Variants in CDH18 observed in about 807,000 individuals in gnomAD.
CDH18 encodes cadherin 18.
In CDH18, 31 loss-of-function variants were observed where a neutral mutation model predicts 67.9. That is an observed-to-expected ratio of 0.46 (90% CI 0.34 to 0.62). The LOEUF (loss-of-function observed/expected upper bound fraction) is 0.62. Among genes scored for constraint, CDH18 ranks in the 20% least tolerant of loss-of-function variants. CDH18 has a pLI of 0.01. For missense variants in CDH18, 890 were observed against 975.5 expected, an observed-to-expected ratio of 0.91 and a Z score of 1.17; for synonymous variants, 362 against 347.2, an observed-to-expected ratio of 1.04 and a Z score of -0.48.
intron 1 of CDH18, among the ~76,000 whole-genome samples, chr5:20,372,831 TA>T (rs1743113342): frequency 6.6e-6 from 1 of 152,184 alleles, no homozygotes; most frequent in Non-Finnish European, 1.5e-5. Flanking sequence ...TCAGTTTGGA[TA>T]TTTTTTATTT....
At chr5:19,621,475 A>T (rs1428897180) in intron 5 of CDH18, among the ~76,000 whole-genome samples, 3 of 152,112 alleles carry the variant, frequency 2.0e-5, no homozygotes, top group Admixed American at 6.6e-5. Flanking sequence ...TCCACATCCA[A>T]TAGAATTATA....
intron 1 of CDH18, among the ~76,000 whole-genome samples, chr5:20,419,727 T>C (rs1437472318): frequency 6.6e-6 from 1 of 150,732 alleles, no homozygotes; most frequent in Non-Finnish European, 1.5e-5. Context: ...TCCTCCCGCC[T>C]CGGCCTCCCA....
intron 2 of CDH18, among the ~76,000 whole-genome samples, chr5:19,937,294 C>T (rs1794377030): frequency 6.6e-6 from 1 of 151,300 alleles, no homozygotes; most frequent in Non-Finnish European, 1.5e-5. Flanking sequence ...ATACTAGTCT[C>T]TCTTGAGCAC....
chr5:20,082,259 T>C (rs1036664174), intron 2 of CDH18, among the ~76,000 whole-genome samples: 1 of 152,258 alleles, frequency 6.6e-6, no homozygotes, highest in African/African-American at 2.4e-5. Flanking sequence ...GGCATTAAAA[T>C]ATATTTTTGG....
At chr5:19,496,686 C>A (rs1214139534) in intron 11 of CDH18, among the ~76,000 whole-genome samples, 1 of 151,788 alleles carries the variant, frequency 6.6e-6, no homozygotes, top group African/African-American at 2.4e-5. Flanking sequence ...GTGGAAAGTG[C>A]CTGTAGTCCC....
At chr5:20,050,945 C>A (rs1365179130) in intron 2 of CDH18, among the ~76,000 whole-genome samples, 2 of 151,698 alleles carry the variant, frequency 1.3e-5, no homozygotes, top group Non-Finnish European at 3.0e-5. Flanking sequence ...CACTCTCTTG[C>A]AATTTACAGT....
intron 1 of CDH18, among the ~76,000 whole-genome samples, chr5:20,297,522 G>A (rs978018739): frequency 2.0e-5 from 3 of 152,136 alleles, no homozygotes; most frequent in Non-Finnish European, 4.4e-5. Flanking sequence ...TCAATTTAAT[G>A]AGTCACAATG....
intron 1 of CDH18, among the ~76,000 whole-genome samples, chr5:20,455,653 A>T (rs572300664): frequency 1.3e-5 from 2 of 152,110 alleles, no homozygotes; most frequent in African/African-American, 2.4e-5. Flanking sequence ...ATATATTTTT[A>T]AAAAACAAAT....
intron 1 of CDH18, among the ~76,000 whole-genome samples, chr5:20,353,646 C>T (rs4133163): frequency 0.17 from 25,710 of 152,150 alleles, 2,638 homozygotes; most frequent in East Asian, 0.29. Flanking sequence ...CATGTTTTGT[C>T]CTCAACCTTC....
intron 2 of CDH18, among the ~76,000 whole-genome samples, chr5:19,874,639 T>A (rs530395636): frequency 3.6e-4 from 55 of 152,318 alleles, no homozygotes; most frequent in African/African-American, 1.2e-3. Context: ...TAATACATTT[T>A]AGAAAAATAA....
intron 1 of CDH18, among the ~76,000 whole-genome samples, chr5:20,466,838 G>T (rs1751664704): frequency 6.6e-6 from 1 of 152,036 alleles, no homozygotes; most frequent in African/African-American, 2.4e-5. Flanking sequence ...TATCATTCTA[G>T]CAAACTTAAG....
At chr5:20,185,317 T>A (rs188067313) in intron 2 of CDH18, among the ~76,000 whole-genome samples, 4 of 152,172 alleles carry the variant, frequency 2.6e-5, no homozygotes, top group Admixed American at 2.6e-4. Context: ...ACGTGATCAA[T>A]CTGTATGCAG....
chr5:19,919,455 G>A (rs1792192954), intron 2 of CDH18, among the ~76,000 whole-genome samples: 1 of 152,114 alleles, frequency 6.6e-6, no homozygotes, highest in Non-Finnish European at 1.5e-5. Flanking sequence ...CAGTTTTGTG[G>A]ACTAAGCCCA....
intron 10 of CDH18, among the ~76,000 whole-genome samples, chr5:19,503,509 C>G (rs1402878366): frequency 6.6e-6 from 1 of 151,916 alleles, no homozygotes; most frequent in Non-Finnish European, 1.5e-5. Flanking sequence ...GTATGTTGGT[C>G]TAAGTAGTAA....
chr5:20,219,448 G>C (rs942173934), intron 2 of CDH18, among the ~76,000 whole-genome samples: 1 of 150,692 alleles, frequency 6.6e-6, no homozygotes, highest in Non-Finnish European at 1.5e-5. Flanking sequence ...AAAAATAGCA[G>C]AGGAAGGGAT....
intron 2 of CDH18, among the ~76,000 whole-genome samples, chr5:20,191,066 G>A: frequency 6.6e-6 from 1 of 152,082 alleles, no homozygotes; most frequent in Non-Finnish European, 1.5e-5. Context: ...AAGCCTGCAG[G>A]TTTGTGGCAC....
chr5:20,518,281 A>C (rs1755500296), intron 1 of CDH18, among the ~76,000 whole-genome samples: 1 of 152,130 alleles, frequency 6.6e-6, no homozygotes, highest in African/African-American at 2.4e-5. Context: ...CTAGAATAAT[A>C]GTTGATCATA....
intron 2 of CDH18, among the ~76,000 whole-genome samples, chr5:20,048,518 G>A (rs1408726762): frequency 6.6e-6 from 1 of 151,662 alleles, no homozygotes; most frequent in Non-Finnish European, 1.5e-5. Context: ...AGCAGCAAAG[G>A]TGTTGTTATA....
intron 2 of CDH18, among the ~76,000 whole-genome samples, chr5:20,170,954 G>A (rs1736655564): frequency 6.6e-6 from 1 of 151,740 alleles, no homozygotes. Context: ...GAGATCCTGT[G>A]ATATTTAGTT....
Sources: allele counts gnomAD v4.1 joint callset (sites outside exome capture counted in the v4.1 genomes callset), GRCh38; gene constraint gnomAD v4.1.1; transcripts MANE v1.5; gene names NCBI Gene and HGNC (gene_info 2026-07-23, HGNC 2026-07-21).